Variants in CHN1 observed in about 807,000 individuals in gnomAD.
CHN1 encodes the protein N-chimaerin.
In CHN1, 37 loss-of-function variants were observed where a neutral mutation model predicts 59.5. That is an observed-to-expected ratio of 0.62 (90% CI 0.48 to 0.82). The LOEUF is 0.82. Ranked by LOEUF, CHN1 falls within the 40% of genes least tolerant of loss-of-function variation. The probability of loss-of-function intolerance (pLI) is 0.00; values close to 1 mark genes in which losing one functional copy is unlikely to be tolerated. For missense variants in CHN1, 469 were observed against 571.0 expected, an observed-to-expected ratio of 0.82 and a Z score of 1.82; for synonymous variants, 206 against 200.4, an observed-to-expected ratio of 1.03 and a Z score of -0.24.
chr2:174,951,047 G>A (rs935749454), intron 2 of CHN1, among the ~76,000 whole-genome samples: 2 of 152,212 alleles, frequency 1.3e-5, no homozygotes, highest in African/African-American at 2.4e-5. Flanking sequence ...CCAAAGTGCT[G>A]GGATTACAGG....
chr2:174,803,531 C>G (rs569659263), intron 11 of CHN1, among the ~76,000 whole-genome samples: 1 of 152,164 alleles, frequency 6.6e-6, no homozygotes, highest in East Asian at 1.9e-4. Flanking sequence ...GAATAAAAGA[C>G]GAATACTCCA....
At chr2:174,880,865 T>C (rs1323789719) in intron 5 of CHN1, among the ~76,000 whole-genome samples, 3 of 152,140 alleles carry the variant, frequency 2.0e-5, no homozygotes, top group Middle Eastern at 3.4e-3. Flanking sequence ...CTAACCAACA[T>C]GGAGAAACCT....
Position 174,982,820 on chromosome 2 carries a change from GTTC to G in CHN1, c.19+22071_19+22073del, listed in dbSNP as rs1160627487. ...ACAGTTATATATCAAGAAATATTGT[GTTC>G]TTTTTTTAATTTAAAATTTAAAACA... is the stretch of plus-strand genomic sequence containing the variant. On this transcript the variant is annotated intron_variant, in intron 1 of 12. Coordinates refer to ENST00000409900, the MANE Select transcript of CHN1 (RefSeq NM_001822.7). Among the ~76,000 whole-genome samples, 9 of 152,166 alleles carry G rather than the reference GTTC, an allele frequency of 5.9e-5. No individual in the cohort carries two copies. In the East Asian group the frequency reaches 7.7e-4, roughly 13 times the overall value.
At chr2:174,804,312 A>C (rs1045744561) in intron 11 of CHN1, among the ~76,000 whole-genome samples, 8 of 152,104 alleles carry the variant, frequency 5.3e-5, no homozygotes, top group African/African-American at 1.7e-4. Context: ...GAGTGAGTGA[A>C]GAGGGGGATA....
chr2:174,847,773 CAAAAAAAAAA>C (rs71031072), intron 6 of CHN1: 176 of 237,804 alleles, frequency 7.4e-4, no homozygotes, highest in Admixed American at 9.4e-4. Flanking sequence ...TGGCTCAAGG[CAAAAAAAAAA>C]AAAAAAAAAA....
intron 5 of CHN1, among the ~76,000 whole-genome samples, chr2:174,879,047 T>G (rs1687658271): frequency 6.6e-6 from 1 of 152,216 alleles, no homozygotes; most frequent in African/African-American, 2.4e-5. Context: ...GCTGCCAGTG[T>G]AATGGTCTCC....
At chr2:174,916,542 T>C (rs1688853627) in intron 4 of CHN1, among the ~76,000 whole-genome samples, 1 of 152,180 alleles carries the variant, frequency 6.6e-6, no homozygotes, top group African/African-American at 2.4e-5. Flanking sequence ...GAATGATACA[T>C]TTAAAAGGCG....
At position 174,846,936 on chromosome 2, in the gene CHN1, C is replaced by G; in HGVS notation, c.571G>C (p.Ala191Pro). ...EKRLTSLVRR[A>P]TLKENEQIPK... ...ATTTGCTCGTTTTCTTTCAGAGTTG[C>G]TCTTCTAACAAGTGATGTCAACTGC... Residue 191 changes from alanine (A) to proline (P), a missense_variant, in exon 7 of 13, where the codon GCA becomes CCA. Physicochemically the swap from Ala to Pro is conservative, Grantham distance 27. This residue lies in a region of CHN1 where 81 missense variants were observed against 71.7 expected (regional missense o/e 1.13). Transcript: ENST00000409900. 6.4e-7 allele frequency: 1 copy of G among 1,553,880 alleles called. No homozygotes were observed. The highest frequency in any genetic ancestry group is 8.7e-7 in the Non-Finnish European group (1 of 1,147,814).
intron 6 of CHN1, 84 bp from the exon 7 acceptor site, chr2:174,847,041 T>A (rs1387663565): frequency 4.5e-6 from 7 of 1,551,630 alleles, no homozygotes; most frequent in Non-Finnish European, 6.1e-6. Flanking sequence ...AAGGCTGCTA[T>A]CAATAAATCT....
At chr2:174,972,571 G>A (rs1352048416) in intron 1 of CHN1, among the ~76,000 whole-genome samples, 1 of 152,126 alleles carries the variant, frequency 6.6e-6, no homozygotes, top group Non-Finnish European at 1.5e-5. Flanking sequence ...AAAAAAGAAG[G>A]TGAAGTGGGT....
At chr2:174,822,763 T>G (rs937214377) in intron 8 of CHN1, among the ~76,000 whole-genome samples, 3 of 152,234 alleles carry the variant, frequency 2.0e-5, no homozygotes, top group African/African-American at 7.2e-5. Flanking sequence ...TTCCCTCCAG[T>G]GCAAAGGCAC....
intron 8 of CHN1, among the ~76,000 whole-genome samples, chr2:174,819,589 T>A (rs1048219178): frequency 1.3e-5 from 2 of 152,226 alleles, no homozygotes; most frequent in African/African-American, 4.8e-5. Context: ...ACCTATAAGC[T>A]TACTTTTCAT....
chr2:174,968,048 G>A (rs1690648418), intron 1 of CHN1, among the ~76,000 whole-genome samples: 1 of 152,196 alleles, frequency 6.6e-6, no homozygotes, highest in Admixed American at 6.5e-5. Context: ...CATTAAAATA[G>A]CAACCCTTCA....
At chr2:174,884,451 A>C (rs1022321815) in intron 5 of CHN1, among the ~76,000 whole-genome samples, 3 of 152,198 alleles carry the variant, frequency 2.0e-5, no homozygotes, top group African/African-American at 7.2e-5. Flanking sequence ...AAATCCTCAG[A>C]CTGGCAAAAT....
At chr2:174,903,098 A>C (rs1005753066) in intron 5 of CHN1, among the ~76,000 whole-genome samples, 4 of 152,214 alleles carry the variant, frequency 2.6e-5, no homozygotes, top group African/African-American at 9.6e-5. Context: ...AGTATTCTAA[A>C]CTCAAAGCCA....
At chr2:174,982,041 G>A (rs1012267750) in intron 1 of CHN1, among the ~76,000 whole-genome samples, 5 of 152,034 alleles carry the variant, frequency 3.3e-5, no homozygotes, top group African/African-American at 1.2e-4. Flanking sequence ...GTGAGAACAC[G>A]CGGTGTTTGG....
chr2:174,987,908 C>G (rs775274519), intron 1 of CHN1, among the ~76,000 whole-genome samples: 1 of 151,954 alleles, frequency 6.6e-6, no homozygotes, highest in Non-Finnish European at 1.5e-5. Flanking sequence ...TTTACCTTAT[C>G]CAGGATGAGG....
chr2:174,996,721 C>G (rs546797231), intron 1 of CHN1, among the ~76,000 whole-genome samples: 1 of 152,118 alleles, frequency 6.6e-6, no homozygotes, highest in Non-Finnish European at 1.5e-5. Flanking sequence ...GAGATACACC[C>G]CAGTACTCTC....
At chr2:174,851,612 C>T (rs1433599551) in intron 6 of CHN1, among the ~76,000 whole-genome samples, 2 of 152,146 alleles carry the variant, frequency 1.3e-5, no homozygotes, top group African/African-American at 2.4e-5. Flanking sequence ...GATATCAATT[C>T]TGTAGGTTCA....
Sources: allele counts gnomAD v4.1 joint callset (sites outside exome capture counted in the v4.1 genomes callset), GRCh38; gene constraint gnomAD v4.1.1; regional missense constraint gnomAD v4.1.1; transcripts MANE v1.5; gene names NCBI Gene and HGNC (gene_info 2026-07-23, HGNC 2026-07-21).